The following ATP2B2 variants were observed in gnomAD, a reference collection of about 807,000 sequenced individuals.
ATP2B2 encodes the protein plasma membrane calcium-transporting ATPase 2.
In ATP2B2, 15 loss-of-function variants were observed where a neutral mutation model predicts 120.0. The ratio of observed to expected loss-of-function variants is 0.12; its 90% CI spans 0.08 to 0.19. ATP2B2 has a LOEUF of 0.19. ATP2B2 is among the 10% of genes least tolerant of loss of function. The probability of loss-of-function intolerance (pLI) is 1.00; values close to 1 mark genes in which losing one functional copy is unlikely to be tolerated. For synonymous variants in ATP2B2, 694 were observed against 700.3 expected (o/e 0.99, Z 0.14); for missense variants, 1,045 against 1,719.8 (o/e 0.61, Z 6.94).
intron 22 of ATP2B2, among the ~76,000 whole-genome samples, chr3:10,334,298 C>T (rs561649667): frequency 3.3e-5 from 5 of 152,298 alleles, no homozygotes; most frequent in South Asian, 4.1e-4. Flanking sequence ...GCCGGAGGGC[C>T]GCAGGAGTCA....
intron 2 of ATP2B2, among the ~76,000 whole-genome samples, chr3:10,581,627 G>T (rs1294535865): frequency 6.6e-6 from 1 of 152,214 alleles, no homozygotes; most frequent in Admixed American, 6.5e-5. Flanking sequence ...GCATCGCAAG[G>T]AATTCTGAAT....
At chr3:10,585,807 T>A (rs573952476) in intron 2 of ATP2B2, among the ~76,000 whole-genome samples, 1 of 152,246 alleles carries the variant, frequency 6.6e-6, no homozygotes, top group Admixed American at 6.5e-5. Context: ...CCCTCGTCAT[T>A]TTCCATCACA....
At chr3:10,443,081 C>G (rs1421519056) in intron 2 of ATP2B2, among the ~76,000 whole-genome samples, 1 of 152,230 alleles carries the variant, frequency 6.6e-6, no homozygotes, top group African/African-American at 2.4e-5. Flanking sequence ...GCCTAGCACC[C>G]TGGTGTAATT....
At chr3:10,560,864 T>C (rs2067889122) in intron 2 of ATP2B2, among the ~76,000 whole-genome samples, 1 of 152,114 alleles carries the variant, frequency 6.6e-6, no homozygotes, top group East Asian at 1.9e-4. Flanking sequence ...CACCATCTCT[T>C]GTTCTCTAGG....
At chr3:10,481,267 T>A (rs189109940) in intron 1 of ATP2B2, among the ~76,000 whole-genome samples, 60 of 152,286 alleles carry the variant, frequency 3.9e-4, no homozygotes, top group African/African-American at 1.4e-3. Context: ...CTTCTAAAGG[T>A]AGTCCCAATG....
intron 5 of ATP2B2, among the ~76,000 whole-genome samples, chr3:10,393,227 G>A (rs1345996481): frequency 6.6e-6 from 1 of 152,150 alleles, no homozygotes; most frequent in Non-Finnish European, 1.5e-5. Context: ...AAAGGTGGGA[G>A]GTGGTCCAGT....
At chr3:10,654,188 A>G (rs2070546143) in intron 1 of ATP2B2, among the ~76,000 whole-genome samples, 1 of 152,126 alleles carries the variant, frequency 6.6e-6, no homozygotes, top group Admixed American at 6.5e-5. Context: ...GGTAACAGAT[A>G]TTGAGGGTGG....
chr3:10,586,297 G>A (rs2068508910), intron 2 of ATP2B2, among the ~76,000 whole-genome samples: 1 of 152,190 alleles, frequency 6.6e-6, no homozygotes, highest in African/African-American at 2.4e-5. Flanking sequence ...GCAGAGGAGA[G>A]GAGAAAGGAA....
intron 1 of ATP2B2, among the ~76,000 whole-genome samples, chr3:10,670,218 C>T (rs533917587): frequency 6.6e-6 from 1 of 152,312 alleles, no homozygotes; most frequent in Admixed American, 6.5e-5. Flanking sequence ...AACTAGCCTT[C>T]GCTGGAGGAT....
At chr3:10,450,462 C>T (rs1043001340) in intron 1 of ATP2B2, among the ~76,000 whole-genome samples, 1 of 152,176 alleles carries the variant, frequency 6.6e-6, no homozygotes, top group Admixed American at 6.5e-5. Flanking sequence ...CTGTGTCCAC[C>T]AATACACTCT....
intron 1 of ATP2B2, among the ~76,000 whole-genome samples, chr3:10,657,215 G>T: frequency 6.6e-6 from 1 of 152,190 alleles, no homozygotes; most frequent in East Asian, 1.9e-4. Flanking sequence ...GGAAGACGGG[G>T]TCACAGAAGT....
chr3:10,363,187 T>G (rs1204366978), intron 12 of ATP2B2, among the ~76,000 whole-genome samples: 1 of 152,214 alleles, frequency 6.6e-6, no homozygotes, highest in Admixed American at 6.5e-5. Flanking sequence ...TTCCATGAAC[T>G]TGAGCTCTGA....
intron 2 of ATP2B2, among the ~76,000 whole-genome samples, chr3:10,614,859 A>T (rs1194452090): frequency 1.3e-5 from 2 of 152,220 alleles, no homozygotes; most frequent in African/African-American, 4.8e-5. Context: ...AATAGTGACC[A>T]ATTTTCAGTC....
At chr3:10,600,801 C>G (rs1274640876) in intron 2 of ATP2B2, among the ~76,000 whole-genome samples, 1 of 152,164 alleles carries the variant, frequency 6.6e-6, no homozygotes, top group East Asian at 1.9e-4. Flanking sequence ...CAACCTTTTC[C>G]CTCCCTGCAG....
intron 1 of ATP2B2, among the ~76,000 whole-genome samples, chr3:10,483,637 C>T (rs552282733): frequency 6.6e-6 from 1 of 152,280 alleles, no homozygotes; most frequent in Admixed American, 6.5e-5. Flanking sequence ...GCTGCTCTGT[C>T]CCCTGCCTGG....
intron 3 of ATP2B2, among the ~76,000 whole-genome samples, chr3:10,409,903 AC>A (rs2062549126): frequency 6.6e-6 from 1 of 152,216 alleles, no homozygotes; most frequent in African/African-American, 2.4e-5. Context: ...ACAATATCCT[AC>A]TGACTGAAAA....
At chr3:10,344,816 T>C (rs2060384389) in intron 18 of ATP2B2, among the ~76,000 whole-genome samples, 1 of 152,204 alleles carries the variant, frequency 6.6e-6, no homozygotes, top group Non-Finnish European at 1.5e-5. Context: ...CCTGCCAGGC[T>C]CAGTGCATAG....
At chr3:10,531,399 C>G (rs1281929771) in intron 3 of ATP2B2, among the ~76,000 whole-genome samples, 1 of 152,222 alleles carries the variant, frequency 6.6e-6, no homozygotes, top group Non-Finnish European at 1.5e-5. Context: ...GCCATACTAC[C>G]TGGGTTCAAA....
At chr3:10,665,113 TC>T (rs1381848304) in intron 1 of ATP2B2, among the ~76,000 whole-genome samples, 1 of 152,178 alleles carries the variant, frequency 6.6e-6, no homozygotes, top group Admixed American at 6.5e-5. Flanking sequence ...TGAAAATTGA[TC>T]CATGTCACTG....
Sources: gnomAD v4.1 joint callset for allele counts (sites outside exome capture counted in the v4.1 genomes callset) on GRCh38, gnomAD v4.1.1 for gene constraint, MANE v1.5 for transcripts, NCBI Gene and HGNC (gene_info 2026-07-23, HGNC 2026-07-21) for gene names.